PDE1A: variants seen among roughly 807,000 people sequenced by gnomAD.
The protein encoded by PDE1A is phosphodiesterase 1A, also known as dual specificity calcium/calmodulin-dependent 3',5'-cyclic nucleotide phosphodiesterase 1A.
In PDE1A, 35 loss-of-function variants were observed where a neutral mutation model predicts 61.7. That is an observed-to-expected ratio of 0.57 (90% CI 0.43 to 0.75). PDE1A has a LOEUF of 0.75. PDE1A is among the 30% of genes least tolerant of loss of function. The probability of loss-of-function intolerance (pLI) is 0.00; values close to 1 mark genes in which losing one functional copy is unlikely to be tolerated. For missense variants in PDE1A, 597 were observed against 630.6 expected (o/e 0.95, Z 0.57); for synonymous variants, 232 against 213.2 (o/e 1.09, Z -0.77).
the PDE1A span, among the ~76,000 whole-genome samples, chr2:182,661,150 TCTC>T: frequency 1.3e-5 from 2 of 152,210 alleles, no homozygotes; most frequent in African/African-American, 2.4e-5. Flanking sequence ...ATAAATCAAT[TCTC>T]CTCAGTTGCA....
chr2:182,548,415 C>T, the PDE1A span, among the ~76,000 whole-genome samples: 1 of 152,226 alleles, frequency 6.6e-6, no homozygotes, highest in African/African-American at 2.4e-5. Context: ...TACGACCAAG[C>T]AAAATGCAAG....
the PDE1A span, among the ~76,000 whole-genome samples, chr2:182,703,082 C>T: frequency 2.6e-5 from 4 of 152,162 alleles, no homozygotes; most frequent in Non-Finnish European, 5.9e-5. Context: ...ACGCAACCAA[C>T]GAAATTGGTC....
At chr2:182,169,692 A>C (rs1691954795) in intron 13 of PDE1A, among the ~76,000 whole-genome samples, 1 of 151,994 alleles carries the variant, frequency 6.6e-6, no homozygotes, top group African/African-American at 2.4e-5. Flanking sequence ...GACCACCCCT[A>C]CTTTCAAATT....
the PDE1A span, among the ~76,000 whole-genome samples, chr2:182,540,208 A>G: frequency 8.0e-3 from 1,222 of 152,124 alleles, 10 homozygotes; most frequent in Middle Eastern, 0.017. Flanking sequence ...TACTAAAAAT[A>G]CAAAAATTAG....
At chr2:182,403,773 G>T (rs1030196793) in intron 1 of PDE1A, among the ~76,000 whole-genome samples, 28 of 152,036 alleles carry the variant, frequency 1.8e-4, no homozygotes, top group Non-Finnish European at 3.4e-4. Context: ...TCATAAATGG[G>T]AGTTGAATAG....
intron 2 of PDE1A, among the ~76,000 whole-genome samples, chr2:182,514,846 C>A (rs1035595796): frequency 6.6e-6 from 1 of 152,138 alleles, no homozygotes; most frequent in South Asian, 2.1e-4. Context: ...AGAGCTTCTG[C>A]ACAGCAAAAG....
chr2:182,673,989 CATATATATATATAT>C, the PDE1A span, among the ~76,000 whole-genome samples: 2,961 of 135,120 alleles, frequency 0.022, 58 homozygotes, highest in African/African-American at 0.054. Flanking sequence ...AATATAACTT[CATATATATATATAT>C]ATATATATAT....
At chr2:182,327,814 G>A (rs903090247) in intron 1 of PDE1A, among the ~76,000 whole-genome samples, 2 of 152,206 alleles carry the variant, frequency 1.3e-5, no homozygotes, top group Non-Finnish European at 2.9e-5. Context: ...GGAGAAATGT[G>A]GGTTGAGGAG....
intron 2 of PDE1A, among the ~76,000 whole-genome samples, chr2:182,442,456 A>G (rs1274080324): frequency 6.6e-6 from 1 of 152,086 alleles, no homozygotes; most frequent in East Asian, 1.9e-4. Flanking sequence ...CAAAACTTGA[A>G]AAAGAACTGC....
At chr2:182,597,304 G>A in the PDE1A span, among the ~76,000 whole-genome samples, 1 of 152,146 alleles carries the variant, frequency 6.6e-6, no homozygotes, top group African/African-American at 2.4e-5. Context: ...ACAATGGAAT[G>A]TACCAGGATA....
intron 1 of PDE1A, among the ~76,000 whole-genome samples, chr2:182,336,491 C>G (rs945763600): frequency 6.6e-6 from 1 of 152,038 alleles, no homozygotes; most frequent in Non-Finnish European, 1.5e-5. Flanking sequence ...AGCTGAACAC[C>G]ATCATTCTCA....
the PDE1A span, among the ~76,000 whole-genome samples, chr2:182,555,708 A>G: frequency 6.6e-6 from 1 of 152,062 alleles, no homozygotes; most frequent in Non-Finnish European, 1.5e-5. Flanking sequence ...GGTCACGCCT[A>G]TAATACCAGC....
At chr2:182,557,474 G>A in the PDE1A span, among the ~76,000 whole-genome samples, 2 of 152,016 alleles carry the variant, frequency 1.3e-5, no homozygotes, top group Admixed American at 1.3e-4. Context: ...CACTTTGGGA[G>A]GCCAAGGTGG....
At chr2:182,458,761 G>A (rs1269369918) in intron 2 of PDE1A, among the ~76,000 whole-genome samples, 1 of 151,964 alleles carries the variant, frequency 6.6e-6, no homozygotes, top group Non-Finnish European at 1.5e-5. Context: ...CAAAATGTGG[G>A]GGAGGTCAAA....
the PDE1A span, among the ~76,000 whole-genome samples, chr2:182,681,848 G>A: frequency 2.1e-3 from 316 of 151,630 alleles, 5 homozygotes; most frequent in African/African-American, 7.4e-3. Flanking sequence ...GGGTTTCACC[G>A]TGTTAGCCAG....
chr2:182,584,819 C>T, the PDE1A span, among the ~76,000 whole-genome samples: 43 of 152,284 alleles, frequency 2.8e-4, no homozygotes, highest in Admixed American at 9.8e-4. Context: ...GCAAGTGCCT[C>T]AAGCTATCTT....
rs59614735 is a variant in PDE1A, at chr2:182,309,027, TA to T, written c.54-44614del. Reference sequence around the variant, plus strand: ...TTATGAAATAGCATTAGTCTTGCTTTAAAAAAAAAAAAAGTGACAAAGAAGT... The same window carrying T: ...TTATGAAATAGCATTAGTCTTGCTTTAAAAAAAAAAAAGTGACAAAGAAGT... On this transcript the variant is annotated intron_variant, in intron 1 of 13. Coordinates refer to ENST00000351439, the Ensembl canonical transcript of PDE1A. Among the ~76,000 whole-genome samples, 621 of 145,856 alleles carry T rather than the reference TA, an allele frequency of 4.3e-3. 9 individuals carry two copies. Among genetic ancestry groups the T allele is most frequent in the Non-Finnish European group, 1.7e-3 (112 of 66,260 alleles).
chr2:182,151,190 C>T (rs534633729), intron 13 of PDE1A, among the ~76,000 whole-genome samples: 29 of 152,268 alleles, frequency 1.9e-4, no homozygotes, highest in African/African-American at 6.3e-4. Flanking sequence ...TGGGTTCAAG[C>T]GATTCTCCTG....
At chr2:182,300,694 G>A (rs1337159613) in intron 1 of PDE1A, among the ~76,000 whole-genome samples, 2 of 152,194 alleles carry the variant, frequency 1.3e-5, no homozygotes, top group Non-Finnish European at 2.9e-5. Flanking sequence ...CACAAAGTAT[G>A]TATATCTTGG....
Sources: gnomAD v4.1 joint callset for allele counts (sites outside exome capture counted in the v4.1 genomes callset) on GRCh38, gnomAD v4.1.1 for gene constraint, MANE v1.5 for transcripts, NCBI Gene and HGNC (gene_info 2026-07-23, HGNC 2026-07-21) for gene names.